NTM: variants seen among roughly 807,000 people sequenced by gnomAD.
NTM encodes IgLON family member 2.
NTM carries 13 observed loss-of-function variants against 42.1 expected under a neutral mutation model. That is an observed-to-expected ratio of 0.31 (90% CI 0.20 to 0.49). The LOEUF (loss-of-function observed/expected upper bound fraction) is 0.49, where lower values mean the gene tolerates loss of function less well. NTM is among the 20% of genes least tolerant of loss of function. NTM has a pLI of 0.99. For synonymous variants in NTM, 187 were observed against 179.2 expected, an observed-to-expected ratio of 1.04 and a Z score of -0.35; for missense variants, 373 against 452.8, an observed-to-expected ratio of 0.82 and a Z score of 1.60.
intron 1 of NTM, among the ~76,000 whole-genome samples, chr11:131,644,372 T>C (rs2065511159): frequency 6.6e-6 from 1 of 152,170 alleles, no homozygotes; most frequent in African/African-American, 2.4e-5. Flanking sequence ...ACAAGCTGCA[T>C]TCTAGGACCT....
At chr11:131,426,046 C>T (rs928023314) in intron 1 of NTM, among the ~76,000 whole-genome samples, 6 of 152,100 alleles carry the variant, frequency 3.9e-5, no homozygotes, top group South Asian at 2.1e-4. Context: ...CCAATGGCCA[C>T]GCCTGCTGGG....
intron 2 of NTM, among the ~76,000 whole-genome samples, chr11:131,943,540 C>T (rs551242567): frequency 6.6e-6 from 1 of 152,292 alleles, no homozygotes; most frequent in Admixed American, 6.5e-5. Context: ...GGGTTGGCGC[C>T]CTGCCAGAGT....
At chr11:132,074,908 C>G (rs1444044402) in intron 2 of NTM, among the ~76,000 whole-genome samples, 1 of 152,120 alleles carries the variant, frequency 6.6e-6, no homozygotes, top group African/African-American at 2.4e-5. Flanking sequence ...ATATGAATTA[C>G]CCTAATCTGA....
At chr11:131,985,289 A>C (rs572322054) in intron 2 of NTM, among the ~76,000 whole-genome samples, 1 of 152,346 alleles carries the variant, frequency 6.6e-6, no homozygotes, top group African/African-American at 2.4e-5. Flanking sequence ...ACAAGGGTCT[A>C]CAGACTTCTA....
intron 1 of NTM, among the ~76,000 whole-genome samples, chr11:131,893,927 T>C (rs1304131154): frequency 1.3e-5 from 2 of 152,192 alleles, no homozygotes; most frequent in Non-Finnish European, 2.9e-5. Flanking sequence ...CATGTTTCTT[T>C]TTGATGAGGA....
At chr11:132,233,767 C>A (rs1365546044) in intron 4 of NTM, among the ~76,000 whole-genome samples, 1 of 152,206 alleles carries the variant, frequency 6.6e-6, no homozygotes, top group Non-Finnish European at 1.5e-5. Flanking sequence ...ACTGCATGAA[C>A]ATGGACTCCT....
chr11:132,322,912 C>A (rs1482190130), intron 7 of NTM, among the ~76,000 whole-genome samples: 2 of 143,800 alleles, frequency 1.4e-5, no homozygotes, highest in African/African-American at 5.1e-5. Flanking sequence ...AACTGAACAA[C>A]CCGCTCCTGA....
intron 1 of NTM, among the ~76,000 whole-genome samples, chr11:131,626,909 G>A (rs2063158745): frequency 1.3e-5 from 2 of 152,182 alleles, no homozygotes; most frequent in Admixed American, 1.3e-4. Flanking sequence ...TCCTAATAGG[G>A]AAGCCACCTT....
intron 1 of NTM, among the ~76,000 whole-genome samples, chr11:131,515,964 A>G (rs1368961443): frequency 1.3e-5 from 2 of 152,218 alleles, no homozygotes; most frequent in African/African-American, 4.8e-5. Flanking sequence ...GTGGACTTAT[A>G]TGGAATTAGG....
intron 4 of NTM, among the ~76,000 whole-genome samples, chr11:132,258,818 T>C (rs1258754222): frequency 6.6e-6 from 1 of 152,228 alleles, no homozygotes; most frequent in Non-Finnish European, 1.5e-5. Context: ...AGCACATTAT[T>C]GTAGTGATTG....
chr11:131,691,299 C>A lies in NTM; in HGVS notation c.83-220265C>A, dbSNP rs555461142. ...CAGCAAGCGCCCCTCTGTTGGCGGCCGGGGGCCGCGGGGAGTTCGCCCCTG... is the reference window on the plus strand; with the variant it reads ...CAGCAAGCGCCCCTCTGTTGGCGGCAGGGGGCCGCGGGGAGTTCGCCCCTG... On this transcript the variant is annotated intron_variant, in intron 1 of 8. Coordinates refer to ENST00000683400, the MANE Select transcript of NTM (RefSeq NM_001352005.2). Among the ~76,000 whole-genome samples, 18 of 152,340 alleles carry A rather than the reference C, an allele frequency of 1.2e-4. 1 individual carries two copies. The East Asian group carries it at 3.1e-3, about 26-fold the overall frequency.
chr11:131,989,370 TA>T (rs2066615969), intron 2 of NTM, among the ~76,000 whole-genome samples: 1 of 152,228 alleles, frequency 6.6e-6, no homozygotes, highest in Admixed American at 6.5e-5. Context: ...TTGGTGTGTT[TA>T]ATCATGTTTG....
intron 3 of NTM, among the ~76,000 whole-genome samples, chr11:132,171,549 C>T (rs963437881): frequency 6.6e-6 from 1 of 152,174 alleles, no homozygotes; most frequent in Non-Finnish European, 1.5e-5. Flanking sequence ...ACTTAATCAC[C>T]TCGCAAGGCT....
intron 1 of NTM, among the ~76,000 whole-genome samples, chr11:131,646,127 C>T (rs1215136035): frequency 2.6e-5 from 4 of 152,200 alleles, no homozygotes; most frequent in Non-Finnish European, 2.9e-5. Flanking sequence ...TCATCTAAGA[C>T]GGGGTCAGCA....
chr11:132,277,163 G>T (rs1178853334), intron 4 of NTM, among the ~76,000 whole-genome samples: 2 of 151,892 alleles, frequency 1.3e-5, no homozygotes, highest in African/African-American at 4.8e-5. Context: ...CTGTCTTATT[G>T]CCCTAGTAAG....
intron 1 of NTM, among the ~76,000 whole-genome samples, chr11:131,507,199 C>T (rs547657991): frequency 6.6e-6 from 1 of 152,236 alleles, no homozygotes; most frequent in Non-Finnish European, 1.5e-5. Context: ...TTGAAATTTG[C>T]TCAGTTTTTA....
chr11:131,757,348 C>T (rs2083471132), intron 1 of NTM, among the ~76,000 whole-genome samples: 1 of 152,188 alleles, frequency 6.6e-6, no homozygotes, highest in Non-Finnish European at 1.5e-5. Flanking sequence ...ATTCTCTTAC[C>T]AAATTCCTTC....
At chr11:131,827,997 T>A (rs1565602432) in intron 1 of NTM, among the ~76,000 whole-genome samples, 1 of 152,126 alleles carries the variant, frequency 6.6e-6, no homozygotes, top group Non-Finnish European at 1.5e-5. Context: ...TAGGCAGAGC[T>A]GTAAGATGGT....
At chr11:131,726,321 A>T (rs2078964734) in intron 1 of NTM, among the ~76,000 whole-genome samples, 1 of 152,142 alleles carries the variant, frequency 6.6e-6, no homozygotes, top group Non-Finnish European at 1.5e-5. Flanking sequence ...GCTTAAAAAA[A>T]TGGTGGTTGC....
Sources: gnomAD v4.1 joint callset for allele counts (sites outside exome capture counted in the v4.1 genomes callset) on GRCh38, gnomAD v4.1.1 for gene constraint, MANE v1.5 for transcripts, NCBI Gene and HGNC (gene_info 2026-07-23, HGNC 2026-07-21) for gene names.